GABBR2: variants seen among roughly 807,000 people sequenced by gnomAD.
GABBR2 encodes the protein gamma-aminobutyric acid type B receptor subunit 2, also known as G-protein coupled receptor 51.
A neutral mutation model predicts 105.6 loss-of-function variants in GABBR2; 23 were observed. The observed-to-expected ratio is 0.22, with a 90% CI of 0.16 to 0.31. The LOEUF (loss-of-function observed/expected upper bound fraction) is 0.31. Among genes scored for constraint, GABBR2 ranks in the 10% least tolerant of loss-of-function variants. GABBR2 has a pLI of 1.00. For synonymous variants in GABBR2, 478 were observed against 499.7 expected (o/e 0.96, Z 0.58); for missense variants, 734 against 1,245.5 (o/e 0.59, Z 6.18).
intron 13 of GABBR2, among the ~76,000 whole-genome samples, chr9:98,335,839 A>T: frequency 8.3e-6 from 1 of 120,516 alleles, no homozygotes; most frequent in African/African-American, 3.2e-5. Context: ...AAGCTTGTCC[A>T]TCATCCATTC....
At chr9:98,678,386 A>T (rs1830500954) in intron 1 of GABBR2, among the ~76,000 whole-genome samples, 1 of 152,192 alleles carries the variant, frequency 6.6e-6, no homozygotes. Context: ...TTTCCCAAAC[A>T]TATAGAATGC....
In GABBR2 at chr9:98,306,137, A is replaced by G. The variant is rs1830547672; in HGVS notation, c.2213T>C (p.Leu738Pro). The change falls in exon 15 of 19, where the codon CTG (leucine) becomes CCG (proline). Residue 738 changes from leucine to proline, a missense_variant. Physicochemically the swap from Leu to Pro is moderately conservative, Grantham distance 98. Around this residue, in one of 7 missense-constraint regions of GABBR2, gnomAD observed 91 missense variants for 185.9 expected, o/e 0.49. Coordinates refer to ENST00000259455, the MANE Select transcript of GABBR2 (RefSeq NM_005458.8). This position sits in a 1 kb window ranked among gnomAD's most constrained non-coding sequence, Gnocchi z 5.4. ...CGCCTGTACCTTCGGCACGAATACC[A>G]GGCAGAGGGTGATGGTGCTGCAGAA... The part of the protein sequence containing the change: ...IIFCSTITLC[L>P]VFVPKLITLR... 1 of 1,613,696 alleles carries G rather than the reference A, an allele frequency of 6.2e-7. No individual in the cohort carries two copies. The highest frequency in any genetic ancestry group is 1.3e-5 in the African/African-American group (1 of 74,938).
At chr9:98,491,064 T>G (rs58067882) in intron 4 of GABBR2, among the ~76,000 whole-genome samples, 1 of 152,148 alleles carries the variant, frequency 6.6e-6, no homozygotes, top group Non-Finnish European at 1.5e-5. Flanking sequence ...AATGCTATTG[T>G]GTTTCTGTCA....
chr9:98,497,772 G>T (rs1364634084), intron 3 of GABBR2, among the ~76,000 whole-genome samples: 1 of 152,226 alleles, frequency 6.6e-6, no homozygotes, highest in Non-Finnish European at 1.5e-5. Context: ...ACCCTTGTGT[G>T]TTGCTGGTGG....
chr9:98,532,044 T>C (rs764748163), intron 3 of GABBR2, among the ~76,000 whole-genome samples: 3 of 152,220 alleles, frequency 2.0e-5, no homozygotes, highest in Non-Finnish European at 2.9e-5. Context: ...AGGGATTCCA[T>C]CTTAAGCAAT....
intron 1 of GABBR2, among the ~76,000 whole-genome samples, chr9:98,665,378 G>T (rs931833890): frequency 6.6e-6 from 1 of 152,098 alleles, no homozygotes; most frequent in Non-Finnish European, 1.5e-5. Flanking sequence ...ACCTCTTCAG[G>T]TTCCCAAAGC....
At chr9:98,413,331 A>C (rs1832622529) in intron 7 of GABBR2, among the ~76,000 whole-genome samples, 1 of 151,930 alleles carries the variant, frequency 6.6e-6, no homozygotes, top group African/African-American at 2.4e-5. Context: ...GATCTGCATG[A>C]CACAGGCTTG....
intron 2 of GABBR2, among the ~76,000 whole-genome samples, chr9:98,554,222 A>G (rs1357903164): frequency 6.6e-6 from 1 of 152,100 alleles, no homozygotes; most frequent in East Asian, 1.9e-4. Flanking sequence ...TTAGCCGGGC[A>G]TGGTGGCGGG....
rs560796443 is a variant in GABBR2 at position 98,399,078 on chromosome 9, G to A, written c.1298-4823C>T. Among the ~76,000 whole-genome samples the A allele has an allele frequency of 7.9e-5, 12 of 152,192 alleles. No individual in the cohort carries two copies. The South Asian group carries it at 1.9e-3, about 24-fold the overall frequency. On this transcript the variant is annotated intron_variant, in intron 8 of 18. Transcript: ENST00000259455. ...GTCCTTCAGAATTCATCTTGGGGCC[G>A]GGTGTAGTGGCTCATGCCTGTAATC...
At chr9:98,485,423 C>T (rs1420676283) in intron 4 of GABBR2, among the ~76,000 whole-genome samples, 1 of 152,022 alleles carries the variant, frequency 6.6e-6, no homozygotes, top group Non-Finnish European at 1.5e-5. Flanking sequence ...TTTTCTTTTT[C>T]TTGACCCTGT....
chr9:98,512,311 G>A (rs1306319739), intron 3 of GABBR2, among the ~76,000 whole-genome samples: 6 of 148,318 alleles, frequency 4.0e-5, no homozygotes, highest in African/African-American at 1.5e-4. Context: ...ATATTGAATG[G>A]GCAAAAACTG....
At chr9:98,570,223 G>A (rs920867147) in intron 2 of GABBR2, among the ~76,000 whole-genome samples, 1 of 152,208 alleles carries the variant, frequency 6.6e-6, no homozygotes. Context: ...GTCCTCGTGG[G>A]GAGTGCCAAG....
chr9:98,569,601 G>A (rs1828798651), intron 2 of GABBR2, among the ~76,000 whole-genome samples: 1 of 152,202 alleles, frequency 6.6e-6, no homozygotes, highest in South Asian at 2.1e-4. Flanking sequence ...ACAGGAAAGT[G>A]AGGCTAAGGG....
intron 12 of GABBR2, among the ~76,000 whole-genome samples, chr9:98,371,147 C>T (rs1307336865): frequency 6.6e-6 from 1 of 152,162 alleles, no homozygotes; most frequent in East Asian, 1.9e-4. Flanking sequence ...TCCCCAGCAT[C>T]CCTATGCCCT....
intron 7 of GABBR2, among the ~76,000 whole-genome samples, chr9:98,443,601 T>C (rs1826070958): frequency 6.6e-6 from 1 of 152,208 alleles, no homozygotes; most frequent in African/African-American, 2.4e-5. Context: ...GGTTCACCAG[T>C]TATGCACTGT....
chr9:98,661,810 A>G (rs1470368669), intron 1 of GABBR2, among the ~76,000 whole-genome samples: 2 of 152,160 alleles, frequency 1.3e-5, no homozygotes, highest in Non-Finnish European at 2.9e-5. Flanking sequence ...GTCTCTCCAG[A>G]AATTGCCTTG....
intron 1 of GABBR2, among the ~76,000 whole-genome samples, chr9:98,703,870 T>A (rs1222758815): frequency 6.6e-6 from 1 of 151,906 alleles, no homozygotes; most frequent in Non-Finnish European, 1.5e-5. Flanking sequence ...TATTGAGATT[T>A]AGTTAACTGT....
chr9:98,604,125 G>A (rs898366558), intron 1 of GABBR2, among the ~76,000 whole-genome samples: 1 of 152,160 alleles, frequency 6.6e-6, no homozygotes, highest in African/African-American at 2.4e-5. Flanking sequence ...GTAAAATGCC[G>A]CTTCCCAAGC....
In GABBR2 at chr9:98,371,620, A is replaced by C. The variant is rs763074310; in HGVS notation, c.1663-49T>G. The C allele has an allele frequency of 7.0e-6, 7 of 1,004,250 alleles. No individual in the cohort carries two copies. In the Admixed American group the frequency reaches 1.2e-4, roughly 17 times the overall value. 62.2% of individuals were successfully genotyped at this position (1,004,250 alleles called of 1,614,324 possible). A position where few individuals can be genotyped will look rare whatever the true frequency, so the allele number is the denominator to read the frequency against. On this transcript the variant is annotated intron_variant, in intron 11 of 18. Coordinates refer to ENST00000259455, the MANE Select transcript of GABBR2 (RefSeq NM_005458.8). ...GCATTGACCTTCCTTAGGTAGACAG[A>C]CTTCATCAGGTATGAGTCCACCCTG...
Sources: gnomAD v4.1 joint callset for allele counts (sites outside exome capture counted in the v4.1 genomes callset) on GRCh38, gnomAD v4.1.1 for gene constraint, gnomAD v4.1.1 regional missense constraint, Gnocchi (gnomAD v3.1) non-coding constraint, MANE v1.5 for transcripts, NCBI Gene and HGNC (gene_info 2026-07-23, HGNC 2026-07-21) for gene names.